VPS41: variants seen among roughly 807,000 people sequenced by gnomAD.
VPS41 encodes vacuolar protein sorting-associated protein 41 homolog.
VPS41 carries 85 observed loss-of-function variants against 130.9 expected under a neutral mutation model. That is an observed-to-expected ratio of 0.65 (90% CI 0.55 to 0.78). The LOEUF (loss-of-function observed/expected upper bound fraction) is 0.78, where lower values mean the gene tolerates loss of function less well. VPS41 is among the 30% of genes least tolerant of loss of function. VPS41 has a pLI of 0.00. For synonymous variants in VPS41, 335 were observed against 332.9 expected (o/e 1.01, Z -0.07); for missense variants, 874 against 1,018.7 (o/e 0.86, Z 1.93).
At chr7:38,829,058 T>C (rs1785334709) in intron 5 of VPS41, among the ~76,000 whole-genome samples, 3 of 152,174 alleles carry the variant, frequency 2.0e-5, no homozygotes, top group African/African-American at 7.2e-5. Context: ...TCTTTACAAA[T>C]ACATGAACAC....
chr7:38,856,884 G>A (rs1403286294), intron 4 of VPS41, among the ~76,000 whole-genome samples: 1 of 152,204 alleles, frequency 6.6e-6, no homozygotes. Flanking sequence ...GCAATATTTA[G>A]AAGGTAGTGA....
At chr7:38,780,313 G>T (rs1235542397) in intron 10 of VPS41, among the ~76,000 whole-genome samples, 2 of 151,836 alleles carry the variant, frequency 1.3e-5, no homozygotes, top group East Asian at 3.9e-4. Context: ...GGCCCTGCAG[G>T]GAGTGCGCTA....
rs1300938301 is a variant in VPS41 at position 38,725,272 on chromosome 7, T to A, written c.*974A>T. 6.6e-6 allele frequency: 1 copy of A among 152,200 alleles called. No individual in the cohort carries two copies. The allele number at this position is 152,200 out of a possible 1,614,324, so 9.4% of individuals were successfully genotyped here. ...TGAAGCCAGTAACTGTAAGACACAA[T>A]TACAAGTTTGACTTTTCTCCCTCTA... On this transcript the variant is annotated 3_prime_UTR_variant, in exon 29 of 29. Transcript: ENST00000310301.
chr7:38,806,876 G>T (rs1051077256), intron 7 of VPS41, among the ~76,000 whole-genome samples: 2 of 152,166 alleles, frequency 1.3e-5, no homozygotes, highest in African/African-American at 2.4e-5. Context: ...TTCTCTTGAT[G>T]AATATAAACA....
intron 2 of VPS41, among the ~76,000 whole-genome samples, chr7:38,887,211 C>T (rs921661889): frequency 9.2e-5 from 14 of 152,108 alleles, no homozygotes; most frequent in African/African-American, 3.1e-4. Context: ...CTTCAAAGGC[C>T]GGTAATAACT....
At chr7:38,873,463 GT>G (rs61418549) in intron 2 of VPS41, among the ~76,000 whole-genome samples, 45,754 of 151,724 alleles carry the variant, frequency 0.3, 8,542 homozygotes, top group African/African-American at 0.51. Flanking sequence ...TAGAAAAAAG[GT>G]TTTCATGCAG....
intron 7 of VPS41, among the ~76,000 whole-genome samples, chr7:38,810,419 T>A (rs1784921411): frequency 6.6e-6 from 1 of 152,214 alleles, no homozygotes; most frequent in Non-Finnish European, 1.5e-5. Context: ...AAGTATGTTC[T>A]AATTACTTTA....
At chr7:38,726,374 T>C (rs1301611526) in intron 28 of VPS41, 48 bp from the exon 29 acceptor site, 4 of 1,447,608 alleles carry the variant, frequency 2.8e-6, no homozygotes, top group Non-Finnish European at 3.9e-6. Context: ...ATCTTCTTTT[T>C]CTACTCTCAT....
intron 25 of VPS41, among the ~76,000 whole-genome samples, chr7:38,730,890 T>G (rs1335088576): frequency 6.6e-6 from 1 of 152,134 alleles, no homozygotes; most frequent in Non-Finnish European, 1.5e-5. Context: ...GAGGCCACTG[T>G]GTCTACAAGC....
At chr7:38,769,318 T>C (rs1784111392) in intron 14 of VPS41, among the ~76,000 whole-genome samples, 1 of 152,224 alleles carries the variant, frequency 6.6e-6, no homozygotes. Context: ...ACACTCACTC[T>C]AAAATGTATG....
At chr7:38,728,425 C>G (rs2115558294) in intron 27 of VPS41, 117 bp downstream of exon 27, 1 of 1,152,378 alleles carries the variant, frequency 8.7e-7, no homozygotes, top group South Asian at 1.2e-5. Flanking sequence ...CTTCTCTCCA[C>G]TGGGTTATTC....
chr7:38,907,062 C>T (rs1190206943), intron 1 of VPS41, among the ~76,000 whole-genome samples: 1 of 143,118 alleles, frequency 7.0e-6, no homozygotes, highest in Non-Finnish European at 1.5e-5. Context: ...GTAAGAGGTA[C>T]ACAGAAATAT....
rs528280123 is a variant in VPS41, at chr7:38,789,916, T to C, written c.718-49A>G. On this transcript the variant is annotated intron_variant, in intron 9 of 28. Coordinates refer to ENST00000310301, the MANE Select transcript of VPS41 (RefSeq NM_014396.4). ...TTTTATTCATTTGATGGAAAATTCT[T>C]CATAACATTTTATTCAGTATATGGT... 1.7e-5 allele frequency: 27 copies of C among 1,594,192 alleles called. No homozygotes were observed. The South Asian group carries it at 3.0e-4, about 18-fold the overall frequency.
chr7:38,777,898 T>C (rs1321482475), intron 10 of VPS41, among the ~76,000 whole-genome samples: 1 of 152,238 alleles, frequency 6.6e-6, no homozygotes. Flanking sequence ...GGAATGACAG[T>C]AGAAATAAAA....
intron 25 of VPS41, among the ~76,000 whole-genome samples, chr7:38,738,582 T>C (rs1004941161): frequency 1.3e-5 from 2 of 152,096 alleles, no homozygotes; most frequent in South Asian, 2.1e-4. Flanking sequence ...AAATAGAAAA[T>C]GTAAAAACAT....
rs554805514 is a variant in VPS41 at position 38,757,078 on chromosome 7, C to T, written c.1551-96G>A. ...GTTCACAATATTAAAAATGGAAACACTCCTTTAGAGAGAAAAGTTAACTTT... is the reference window on the plus strand; with the variant it reads ...GTTCACAATATTAAAAATGGAAACATTCCTTTAGAGAGAAAAGTTAACTTT... On this transcript the variant is annotated intron_variant, in intron 18 of 28. Transcript: ENST00000310301. The T allele has an allele frequency of 1.8e-5, 18 of 993,238 alleles. No homozygotes were observed. The East Asian group carries it at 4.5e-4, about 25-fold the overall frequency. The allele number at this position is 993,238 out of a possible 1,614,324, so 61.5% of individuals were successfully genotyped here. A position where few individuals can be genotyped will look rare whatever the true frequency, so the allele number is the denominator to read the frequency against.
intron 3 of VPS41, among the ~76,000 whole-genome samples, chr7:38,867,022 C>T (rs1183686781): frequency 6.6e-6 from 1 of 152,082 alleles, no homozygotes; most frequent in Non-Finnish European, 1.5e-5. Flanking sequence ...CATGAATGAA[C>T]CTCAAAATCA....
chr7:38,874,281 CT>C (rs1389962668), intron 2 of VPS41, among the ~76,000 whole-genome samples: 2 of 152,174 alleles, frequency 1.3e-5, no homozygotes, highest in African/African-American at 4.8e-5. Context: ...ACTGTTACTA[CT>C]TACACAGAAC....
chr7:38,900,980 G>T (rs7793692), intron 1 of VPS41, among the ~76,000 whole-genome samples: 1 of 152,026 alleles, frequency 6.6e-6, no homozygotes, highest in Non-Finnish European at 1.5e-5. Context: ...ATCCAAGAAG[G>T]CTGAACTTTG....
Sources: gnomAD v4.1 joint callset for allele counts (sites outside exome capture counted in the v4.1 genomes callset) on GRCh38, gnomAD v4.1.1 for gene constraint, MANE v1.5 for transcripts, NCBI Gene and HGNC (gene_info 2026-07-23, HGNC 2026-07-21) for gene names.